CNTNAP5: variants seen among roughly 807,000 people sequenced by gnomAD.
CNTNAP5 encodes the protein contactin associated protein family member 5, also known as contactin-associated protein-like 5.
In CNTNAP5, 72 loss-of-function variants were observed where a neutral mutation model predicts 150.2. That is an observed-to-expected ratio of 0.48 (90% CI 0.40 to 0.58). CNTNAP5 has a LOEUF of 0.58. CNTNAP5 is among the 20% of genes least tolerant of loss of function. The probability of loss-of-function intolerance (pLI) is 0.00; values close to 1 mark genes in which losing one functional copy is unlikely to be tolerated. For missense variants in CNTNAP5, 1,636 were observed against 1,626.2 expected (o/e 1.01, Z -0.10); for synonymous variants, 672 against 619.8 (o/e 1.08, Z -1.25).
intron 1 of CNTNAP5, among the ~76,000 whole-genome samples, chr2:124,108,634 C>T (rs1335341723): frequency 6.6e-6 from 1 of 152,132 alleles, no homozygotes; most frequent in Non-Finnish European, 1.5e-5. Context: ...ATATGGGAAG[C>T]TTTGAATGTG....
chr2:124,516,872 G>A (rs919668344), intron 8 of CNTNAP5, among the ~76,000 whole-genome samples: 2 of 151,204 alleles, frequency 1.3e-5, no homozygotes, highest in Admixed American at 6.7e-5. Flanking sequence ...GAGAAAGAGA[G>A]AAAGAGGTAC....
chr2:124,557,201 C>T (rs1302748740), intron 10 of CNTNAP5, among the ~76,000 whole-genome samples: 2 of 152,076 alleles, frequency 1.3e-5, no homozygotes, highest in African/African-American at 2.4e-5. Flanking sequence ...CACTAAAGAA[C>T]GTCCAATTTA....
rs867737850 is a variant in CNTNAP5, at chr2:124,896,790, C to T, written c.3437-6092C>T. ...ATGACTTCAGGTGATCCACACGCTTCGGCCTCCCAAAATTCTGGGATTACA... is the reference window on the plus strand; with the variant it reads ...ATGACTTCAGGTGATCCACACGCTTTGGCCTCCCAAAATTCTGGGATTACA... On this transcript the variant is annotated intron_variant, in intron 21 of 23. Transcript: ENST00000682447. Among the ~76,000 whole-genome samples the T allele has an allele frequency of 9.9e-5, 15 of 151,536 alleles. 1 individual carries two copies. Among genetic ancestry groups the T allele is most frequent in the African/African-American group, 2.7e-4 (11 of 40,894 alleles).
chr2:124,058,167 C>T (rs907825595), intron 1 of CNTNAP5, among the ~76,000 whole-genome samples: 1 of 152,026 alleles, frequency 6.6e-6, no homozygotes, highest in Non-Finnish European at 1.5e-5. Context: ...CACAGATCCC[C>T]TAAGTAAGAA....
rs367896642 is a variant in CNTNAP5 at position 124,506,312 on chromosome 2, A to G, written c.1327+1756A>G. On this transcript the variant is annotated intron_variant, in intron 8 of 23. Coordinates refer to ENST00000682447, the MANE Select transcript of CNTNAP5 (RefSeq NM_001367498.1). The stretch of plus-strand genomic sequence containing the variant: ...TATCGCAGATTCCAGGAGCAAGAAG[A>G]TAATGGGTGAGGCAGGTAGTCAGGA... Among the ~76,000 whole-genome samples the G allele has an allele frequency of 2.6e-5, 4 of 152,304 alleles. No individual in the cohort carries two copies. The East Asian group carries it at 7.7e-4, about 29-fold the overall frequency.
intron 3 of CNTNAP5, among the ~76,000 whole-genome samples, chr2:124,287,345 A>G (rs889234627): frequency 1.7e-4 from 26 of 152,246 alleles, no homozygotes; most frequent in African/African-American, 6.0e-4. Flanking sequence ...GTGCTAACCA[A>G]TGTAAATTAG....
chr2:124,623,017 A>G (rs1677650470), intron 12 of CNTNAP5, among the ~76,000 whole-genome samples: 1 of 152,166 alleles, frequency 6.6e-6, no homozygotes, highest in African/African-American at 2.4e-5. Context: ...CAGGATACCA[A>G]TTATAGCTGT....
intron 12 of CNTNAP5, among the ~76,000 whole-genome samples, chr2:124,622,650 T>C (rs1294232909): frequency 6.6e-6 from 1 of 152,004 alleles, no homozygotes; most frequent in East Asian, 1.9e-4. Context: ...TACTTTTTAA[T>C]TGTAGCCATC....
chr2:124,374,635 G>T (rs1264759976), intron 3 of CNTNAP5, among the ~76,000 whole-genome samples: 1 of 152,138 alleles, frequency 6.6e-6, no homozygotes, highest in Non-Finnish European at 1.5e-5. Context: ...GTGCCTAGCA[G>T]GCGACATGCT....
At chr2:124,775,211 C>G (rs1180520511) in intron 17 of CNTNAP5, among the ~76,000 whole-genome samples, 2 of 152,098 alleles carry the variant, frequency 1.3e-5, no homozygotes, top group Admixed American at 6.6e-5. Context: ...GCCAACAAAG[C>G]TGAAGTCTCA....
At chr2:124,836,882 T>C (rs1682840858) in intron 19 of CNTNAP5, among the ~76,000 whole-genome samples, 1 of 152,142 alleles carries the variant, frequency 6.6e-6, no homozygotes, top group Non-Finnish European at 1.5e-5. Flanking sequence ...CAAAGCACTT[T>C]GCAAATATGA....
At chr2:124,209,694 G>A (rs1042388205) in intron 1 of CNTNAP5, among the ~76,000 whole-genome samples, 1 of 152,154 alleles carries the variant, frequency 6.6e-6, no homozygotes, top group Non-Finnish European at 1.5e-5. Context: ...AAGTAGGAAA[G>A]TGAGTAAGAT....
intron 3 of CNTNAP5, among the ~76,000 whole-genome samples, chr2:124,321,043 C>T (rs1255611802): frequency 6.6e-6 from 1 of 152,132 alleles, no homozygotes; most frequent in Non-Finnish European, 1.5e-5. Flanking sequence ...CTTGTAAAGT[C>T]TTTCAAGCAG....
chr2:124,293,372 A>G (rs1430254), intron 3 of CNTNAP5, among the ~76,000 whole-genome samples: 101,834 of 151,408 alleles, frequency 0.67, 34,382 homozygotes, highest in South Asian at 0.85. Context: ...TGCATTGAAT[A>G]GTATTCTCTG....
chr2:124,055,948 C>G (rs939118621), intron 1 of CNTNAP5, among the ~76,000 whole-genome samples: 12 of 151,972 alleles, frequency 7.9e-5, no homozygotes, highest in East Asian at 1.9e-4. Flanking sequence ...GATTTTGACT[C>G]CCTCTGTGAC....
chr2:124,893,257 G>A (rs1055726792), intron 21 of CNTNAP5, among the ~76,000 whole-genome samples: 1 of 151,974 alleles, frequency 6.6e-6, no homozygotes, highest in African/African-American at 2.4e-5. Flanking sequence ...CTTTAAAATG[G>A]GCAGAGTAAC....
At chr2:124,170,260 T>C (rs1007334632) in intron 1 of CNTNAP5, among the ~76,000 whole-genome samples, 1 of 27,484 alleles carries the variant, frequency 3.6e-5, no homozygotes, top group African/African-American at 7.9e-5. Flanking sequence ...ATGTTTTTGT[T>C]TTTGTTTTTC....
intron 3 of CNTNAP5, among the ~76,000 whole-genome samples, chr2:124,417,185 GC>G (rs1429881460): frequency 2.6e-5 from 4 of 151,954 alleles, no homozygotes. Context: ...TGACCCGCTT[GC>G]CTCAGCCTCC....
intron 13 of CNTNAP5, among the ~76,000 whole-genome samples, chr2:124,660,163 C>T (rs957522512): frequency 2.6e-5 from 4 of 152,126 alleles, no homozygotes; most frequent in Non-Finnish European, 4.4e-5. Flanking sequence ...AACTCACCTT[C>T]TTTCACTGAA....
Sources: allele counts gnomAD v4.1 joint callset (sites outside exome capture counted in the v4.1 genomes callset), GRCh38; gene constraint gnomAD v4.1.1; transcripts MANE v1.5; gene names NCBI Gene and HGNC (gene_info 2026-07-23, HGNC 2026-07-21).